MYLIP: variants seen among roughly 807,000 people sequenced by gnomAD.
MYLIP encodes E3 ubiquitin-protein ligase MYLIP.
MYLIP carries 26 observed loss-of-function variants against 45.8 expected under a neutral mutation model. The ratio of observed to expected loss-of-function variants is 0.57; its 90% CI spans 0.42 to 0.79. MYLIP has a LOEUF of 0.79. Ranked by LOEUF, MYLIP falls within the 30% of genes least tolerant of loss-of-function variation. The pLI is 0.00. For synonymous variants in MYLIP, 213 were observed against 218.1 expected (o/e 0.98, Z 0.21); for missense variants, 494 against 555.6 (o/e 0.89, Z 1.11).
rs1759819258 is a variant in MYLIP, at chr6:16,147,551, C to G, written c.*800C>G. 6.6e-6 allele frequency: 1 copy of G among 152,234 alleles called. No individual in the cohort carries two copies. The highest frequency in any genetic ancestry group is 2.4e-5 in the African/African-American group (1 of 41,450). 9.4% of individuals were successfully genotyped at this position (152,234 alleles called of 1,614,324 possible). A position where few individuals can be genotyped will look rare whatever the true frequency, so the allele number is the denominator to read the frequency against. ...TTTCAGACTGAAAACAGAGAGCACT[C>G]TCCTTGGGAAGGGAAAGCGGAGCTT... On this transcript the variant is annotated 3_prime_UTR_variant, in exon 7 of 7. Coordinates refer to ENST00000356840, the MANE Select transcript of MYLIP (RefSeq NM_013262.4).
intron 2 of MYLIP, among the ~76,000 whole-genome samples, chr6:16,134,404 T>C (rs776083446): frequency 2.6e-5 from 4 of 152,236 alleles, no homozygotes; most frequent in African/African-American, 4.8e-5. Flanking sequence ...AAAAATGTTT[T>C]GTAGTGATTA....
At chr6:16,156,634 A>T in the MYLIP span, among the ~76,000 whole-genome samples, 2 of 152,336 alleles carry the variant, frequency 1.3e-5, no homozygotes, top group East Asian at 3.9e-4. Context: ...TAAAAGGAGG[A>T]TAAGTCTATC....
chr6:16,143,350 T>C (rs1316980619), intron 4 of MYLIP, 133 bp downstream of exon 4: 3 of 902,158 alleles, frequency 3.3e-6, no homozygotes, highest in South Asian at 3.3e-5. Context: ...GGTATGTACA[T>C]TAATTTTATT....
At chr6:16,145,524 C>A (rs1166511933) in intron 6 of MYLIP, among the ~76,000 whole-genome samples, 1 of 152,116 alleles carries the variant, frequency 6.6e-6, no homozygotes, top group Non-Finnish European at 1.5e-5. Flanking sequence ...CATAATTACT[C>A]CAAATTATGC....
the MYLIP span, among the ~76,000 whole-genome samples, chr6:16,158,762 C>G: frequency 6.6e-6 from 1 of 152,090 alleles, no homozygotes; most frequent in Non-Finnish European, 1.5e-5. Flanking sequence ...CCCAGCTACT[C>G]GGGAGGCTGA....
chr6:16,154,540 T>A, the MYLIP span, among the ~76,000 whole-genome samples: 1 of 152,166 alleles, frequency 6.6e-6, no homozygotes, highest in South Asian at 2.1e-4. Context: ...GGGCTCCAAG[T>A]GTTCCCCCCA....
At chr6:16,130,026 A>T (rs1759425544) in intron 1 of MYLIP, among the ~76,000 whole-genome samples, 1 of 152,174 alleles carries the variant, frequency 6.6e-6, no homozygotes. Context: ...AATAGTGCAG[A>T]GGTGGTATGG....
chr6:16,129,390 G>T lies in MYLIP; in HGVS notation c.68G>T (p.Gly23Val). The T allele has an allele frequency of 1.3e-6, 2 of 1,591,370 alleles. No individual in the cohort carries two copies. The highest frequency in any genetic ancestry group is 1.7e-6 in the Non-Finnish European group (2 of 1,169,322). Residue 23 changes from glycine (G) to valine (V), a missense_variant, in exon 1 of 7, where the codon GGC becomes GTC. By Grantham distance (109) the Gly-to-Val change is moderately radical. Coordinates refer to ENST00000356840, the MANE Select transcript of MYLIP (RefSeq NM_013262.4). This position sits in a 1 kb window ranked among gnomAD's most constrained non-coding sequence, Gnocchi z 5.1. Reference protein sequence around the residue: ...MEVEVEAKANGEDCLNQVCRR... With the variant: ...MEVEVEAKANVEDCLNQVCRR... ...GTGGAGGTGGAGGCGAAAGCCAACG[G>T]CGAGGACTGCCTCAACCAGGTGAGG...
In MYLIP at chr6:16,129,434, C is replaced by T; in HGVS notation, c.87+25C>T. On this transcript the variant is annotated intron_variant, in intron 1 of 6. Transcript: ENST00000356840. The surrounding 1 kb of genome is among the most constrained non-coding windows in gnomAD (Gnocchi z 5.1). ...GGTGAGGGCGAGGGGCAAGAAGGGG[C>T]CCCGGCGGGTCCCGCGAGGCCGAGG... 6.4e-7 allele frequency: 1 copy of T among 1,562,844 alleles called. No individual in the cohort carries two copies. The highest frequency in any genetic ancestry group is 8.7e-7 in the Non-Finnish European group (1 of 1,154,412).
At chr6:16,161,897 ACTGT>A in the MYLIP span, among the ~76,000 whole-genome samples, 5 of 152,298 alleles carry the variant, frequency 3.3e-5, no homozygotes, top group East Asian at 3.9e-4. Flanking sequence ...GATGGAATGG[ACTGT>A]CTATTAAGGG....
chr6:16,149,467 T>C (rs1759852549), downstream of MYLIP, among the ~76,000 whole-genome samples: 1 of 152,170 alleles, frequency 6.6e-6, no homozygotes. Flanking sequence ...GACATTCTAG[T>C]TGGAAAAAGA....
chr6:16,151,423 G>A (rs571188819), downstream of MYLIP, among the ~76,000 whole-genome samples: 7 of 152,246 alleles, frequency 4.6e-5, no homozygotes, highest in East Asian at 1.4e-3. Flanking sequence ...ATGTGCGCCT[G>A]AAGGAGGGGT....
chr6:16,145,416 G>C, intron 6 of MYLIP, 99 bp downstream of exon 6: 1 of 1,349,522 alleles, frequency 7.4e-7, no homozygotes, highest in Non-Finnish European at 1.0e-6. Flanking sequence ...GCACAGACGG[G>C]GAATGCCCAT....
chr6:16,140,646 C>A (rs986223956), intron 2 of MYLIP, among the ~76,000 whole-genome samples: 5 of 152,112 alleles, frequency 3.3e-5, no homozygotes, highest in African/African-American at 9.7e-5. Flanking sequence ...ACCAGAGACA[C>A]CAGAGCATGA....
chr6:16,158,176 G>A, the MYLIP span, among the ~76,000 whole-genome samples: 7 of 152,202 alleles, frequency 4.6e-5, no homozygotes, highest in Non-Finnish European at 7.3e-5. Context: ...CAATGTGAAG[G>A]GCTGATCCTC....
chr6:16,162,303 A>C, the MYLIP span, among the ~76,000 whole-genome samples: 1 of 152,226 alleles, frequency 6.6e-6, no homozygotes, highest in Non-Finnish European at 1.5e-5. Context: ...TGAAAGATGG[A>C]CTGGGTCTAA....
rs988886720 is a variant in MYLIP at position 16,143,975 on chromosome 6, T to C, written c.827+112T>C. On this transcript the variant is annotated intron_variant, in intron 5 of 6. Coordinates refer to ENST00000356840, the MANE Select transcript of MYLIP (RefSeq NM_013262.4). ...TTGTGTCAATGAGTCTAGTACAGAA[T>C]TTAAGAAATTCTGAACATTTTGTTT... 13 of 1,222,296 alleles carry C rather than the reference T, an allele frequency of 1.1e-5. No homozygotes were observed. The African/African-American group carries it at 2.0e-4, about 19-fold the overall frequency. 75.7% of individuals were successfully genotyped at this position (1,222,296 alleles called of 1,614,324 possible).
chr6:16,131,828 T>G (rs572563822), intron 2 of MYLIP, among the ~76,000 whole-genome samples: 1 of 152,368 alleles, frequency 6.6e-6, no homozygotes, highest in African/African-American at 2.4e-5. Flanking sequence ...CTTTGCCTTG[T>G]AATCGAGCTT....
At chr6:16,135,754 T>TATA (rs1759539297) in intron 2 of MYLIP, among the ~76,000 whole-genome samples, 1 of 103,936 alleles carries the variant, frequency 9.6e-6, no homozygotes, top group Non-Finnish European at 1.9e-5. Context: ...TATACATATA[T>TATA]CTATATATAT....
Sources: allele counts gnomAD v4.1 joint callset (sites outside exome capture counted in the v4.1 genomes callset), GRCh38; gene constraint gnomAD v4.1.1; non-coding constraint Gnocchi (gnomAD v3.1); transcripts MANE v1.5; gene names NCBI Gene and HGNC (gene_info 2026-07-23, HGNC 2026-07-21).